Variants in RASSF8 observed in about 807,000 individuals in gnomAD.
RASSF8 encodes the protein ras association domain-containing protein 8.
In RASSF8, 22 loss-of-function variants were observed where a neutral mutation model predicts 48.5. That is an observed-to-expected ratio of 0.45 (90% confidence interval 0.32 to 0.65). The LOEUF is 0.65. Among genes scored for constraint, RASSF8 ranks in the 30% least tolerant of loss-of-function variants. The pLI is 0.03. For missense variants in RASSF8, 418 were observed against 489.2 expected, an observed-to-expected ratio of 0.85 and a Z score of 1.37; for synonymous variants, 127 against 171.5, an observed-to-expected ratio of 0.74 and a Z score of 2.03.
chr12:26,006,721 C>T (rs536707066), intron 2 of RASSF8, among the ~76,000 whole-genome samples: 30 of 152,240 alleles, frequency 2.0e-4, no homozygotes, highest in African/African-American at 6.7e-4. Flanking sequence ...ATACACGCTT[C>T]GTTTCTGACT....
chr12:25,996,630 A>G (rs867508293), intron 2 of RASSF8, among the ~76,000 whole-genome samples: 35 of 152,314 alleles, frequency 2.3e-4, no homozygotes, highest in Middle Eastern at 3.4e-3. Flanking sequence ...CAAACATTCA[A>G]TATTCTCTAG....
chr12:25,968,744 A>T (rs1269509060), intron 1 of RASSF8, among the ~76,000 whole-genome samples: 1 of 152,232 alleles, frequency 6.6e-6, no homozygotes, highest in Non-Finnish European at 1.5e-5. Flanking sequence ...TCCTGTTTGC[A>T]TGGAGAGCAC....
chr12:26,038,226 G>C, intron 2 of RASSF8, among the ~76,000 whole-genome samples: 1 of 152,106 alleles, frequency 6.6e-6, no homozygotes, highest in East Asian at 1.9e-4. Flanking sequence ...CATGATCACG[G>C]TCTCAGAGAA....
intron 1 of RASSF8, among the ~76,000 whole-genome samples, chr12:25,976,387 C>G (rs1490259114): frequency 1.3e-5 from 2 of 151,898 alleles, no homozygotes; most frequent in Admixed American, 1.3e-4. Flanking sequence ...CTGTCCACAC[C>G]AGCGGAGTCT....
intron 1 of RASSF8, among the ~76,000 whole-genome samples, chr12:25,987,634 A>C (rs1255411264): frequency 2.6e-5 from 4 of 152,192 alleles, no homozygotes; most frequent in Admixed American, 2.0e-4. Context: ...GAATTAACAT[A>C]CATTATGCAA....
At chr12:26,036,430 C>T (rs187086206) in intron 2 of RASSF8, among the ~76,000 whole-genome samples, 3 of 152,078 alleles carry the variant, frequency 2.0e-5, no homozygotes, top group East Asian at 3.9e-4. Flanking sequence ...AATTTTGATA[C>T]TTATTTCAAT....
intron 2 of RASSF8, among the ~76,000 whole-genome samples, chr12:26,006,585 T>C (rs1017275578): frequency 6.6e-6 from 1 of 152,244 alleles, no homozygotes; most frequent in Admixed American, 6.5e-5. Context: ...CAGTCTTTTA[T>C]ACTTAGGGGT....
downstream of RASSF8, among the ~76,000 whole-genome samples, chr12:26,075,261 C>A (rs1168378482): frequency 3.9e-5 from 6 of 152,222 alleles, no homozygotes; most frequent in African/African-American, 1.2e-4. Flanking sequence ...GGCTGTGGGT[C>A]TCTCAGTGAG....
Position 26,065,380 on chromosome 12 carries a change from G to T in RASSF8, c.986G>T (p.Arg329Leu), listed in dbSNP as rs779243123. ...AGATCTCTTGGACAAGCCACCAAAC[G>T]CTTACAGGTAGGGACACTTTGATAA... ...VERSLGQATK[R>L]LQDKEQELEQ... is the part of the protein sequence containing the mutation. Residue 329 changes from arginine to leucine, a missense_variant, in exon 4 of 6, where the codon CGC (arginine) becomes CTC (leucine). Physicochemically the swap from Arg to Leu is moderately radical, Grantham distance 102. Coordinates refer to ENST00000689635, the MANE Select transcript of RASSF8 (RefSeq NM_001394098.1). The T allele has an allele frequency of 6.2e-7, 1 of 1,609,286 alleles. No homozygotes were observed. Among genetic ancestry groups the T allele is most frequent in the Non-Finnish European group, 8.5e-7 (1 of 1,177,686 alleles).
chr12:26,023,892 A>G (rs998322695), intron 2 of RASSF8, among the ~76,000 whole-genome samples: 2 of 152,260 alleles, frequency 1.3e-5, no homozygotes, highest in Non-Finnish European at 1.5e-5. Flanking sequence ...GAATAAGGAA[A>G]TTATACCACA....
At chr12:26,068,413 G>T (rs965313217) in intron 5 of RASSF8, among the ~76,000 whole-genome samples, 7 of 151,908 alleles carry the variant, frequency 4.6e-5, no homozygotes, top group Admixed American at 4.6e-4. Flanking sequence ...ATATTTAAAA[G>T]ACAATTCCAA....
At chr12:26,049,990 A>C (rs1014154909) in intron 2 of RASSF8, among the ~76,000 whole-genome samples, 17 of 152,014 alleles carry the variant, frequency 1.1e-4, no homozygotes, top group Admixed American at 1.1e-3. Flanking sequence ...TTCGTGTGTT[A>C]GTCAGGATGG....
intron 1 of RASSF8, among the ~76,000 whole-genome samples, chr12:25,992,786 A>C (rs1414308854): frequency 6.6e-6 from 1 of 152,152 alleles, no homozygotes; most frequent in Non-Finnish European, 1.5e-5. Flanking sequence ...GACCGTTTTC[A>C]CTTAAGCCTC....
chr12:26,053,192 A>G (rs1943530473), intron 2 of RASSF8, among the ~76,000 whole-genome samples: 1 of 152,080 alleles, frequency 6.6e-6, no homozygotes, highest in African/African-American at 2.4e-5. Context: ...CAATTGAAAA[A>G]AAAAAAAGTC....
intron 2 of RASSF8, among the ~76,000 whole-genome samples, chr12:26,006,060 G>GAC (rs142505170): frequency 0.025 from 3,825 of 150,900 alleles, 75 homozygotes; most frequent in Middle Eastern, 0.055. Context: ...TATGTGCACA[G>GAC]ACACACACAC....
chr12:25,979,811 G>C (rs1156412514), intron 1 of RASSF8, among the ~76,000 whole-genome samples: 1 of 151,688 alleles, frequency 6.6e-6, no homozygotes, highest in Non-Finnish European at 1.5e-5. Context: ...AAGTGTTGGG[G>C]AAACAGAGAC....
At chr12:25,979,040 G>C (rs943456193) in intron 1 of RASSF8, among the ~76,000 whole-genome samples, 1 of 152,162 alleles carries the variant, frequency 6.6e-6, no homozygotes, top group African/African-American at 2.4e-5. Context: ...TTCACTTCTA[G>C]ATGGATATTA....
intron 1 of RASSF8, among the ~76,000 whole-genome samples, chr12:25,961,208 A>G: frequency 6.6e-6 from 1 of 152,206 alleles, no homozygotes. Context: ...CTTGGAAGTA[A>G]AAATATTGTT....
rs150931539 is a variant in RASSF8, at chr12:26,067,856, C to T, written c.1138+143C>T. 588 of 1,112,034 alleles carry T rather than the reference C, an allele frequency of 5.3e-4. 4 individuals are homozygous for T. The African/African-American group carries it at 8.8e-3, about 17-fold the overall frequency. 68.9% of individuals were successfully genotyped at this position (1,112,034 alleles called of 1,614,324 possible). On this transcript the variant is annotated intron_variant, in intron 5 of 5. Coordinates refer to ENST00000689635, the MANE Select transcript of RASSF8 (RefSeq NM_001394098.1). ...CCACGGCTTACTGCAGCCTCGACCT[C>T]CTGGGCTCAGGTGACCCTCCTACCT...
Sources: allele counts gnomAD v4.1 joint callset (sites outside exome capture counted in the v4.1 genomes callset), GRCh38; gene constraint gnomAD v4.1.1; transcripts MANE v1.5; gene names NCBI Gene and HGNC (gene_info 2026-07-23, HGNC 2026-07-21).